Variants in NTNG1 observed in about 807,000 individuals in gnomAD.
The protein encoded by NTNG1 is netrin-G1.
Under a neutral mutation model 54.0 loss-of-function variants are expected in NTNG1, and 16 were observed. That is an observed-to-expected ratio of 0.30 (90% CI 0.20 to 0.45). NTNG1 has a LOEUF of 0.45. Among genes scored for constraint, NTNG1 ranks in the 20% least tolerant of loss-of-function variants. NTNG1 has a pLI of 1.00. For missense variants in NTNG1, 530 were observed against 678.7 expected (o/e 0.78, Z 2.43); for synonymous variants, 255 against 263.1 (o/e 0.97, Z 0.30).
chr1:107,346,573 T>TA (rs907956178), intron 3 of NTNG1, among the ~76,000 whole-genome samples: 3 of 152,080 alleles, frequency 2.0e-5, no homozygotes, highest in Admixed American at 1.3e-4. Flanking sequence ...TGGCAAGTTT[T>TA]AAAAAACTCC....
chr1:107,406,894 G>A (rs570960488), intron 4 of NTNG1, among the ~76,000 whole-genome samples: 10 of 152,124 alleles, frequency 6.6e-5, no homozygotes, highest in Non-Finnish European at 1.3e-4. Flanking sequence ...CAGAGAGCCT[G>A]GCTTCTGAGC....
chr1:107,385,815 A>G (rs149449432), intron 3 of NTNG1, among the ~76,000 whole-genome samples: 55 of 151,552 alleles, frequency 3.6e-4, no homozygotes, highest in Non-Finnish European at 6.5e-4. Flanking sequence ...TTTTGGATAA[A>G]TGCCATACTT....
intron 3 of NTNG1, among the ~76,000 whole-genome samples, chr1:107,391,921 T>A (rs930796175): frequency 2.6e-5 from 4 of 152,078 alleles, no homozygotes; most frequent in African/African-American, 9.7e-5. Flanking sequence ...CAAAGAGGAA[T>A]CTCAGGGCAT....
At chr1:107,270,476 G>A (rs2101687003) in intron 2 of NTNG1, among the ~76,000 whole-genome samples, 1 of 152,198 alleles carries the variant, frequency 6.6e-6, no homozygotes, top group East Asian at 1.9e-4. Flanking sequence ...GTTTGAAATG[G>A]GAATAATAAG....
At chr1:107,230,213 A>G (rs1660980185) in intron 2 of NTNG1, among the ~76,000 whole-genome samples, 1 of 152,196 alleles carries the variant, frequency 6.6e-6, no homozygotes, top group Non-Finnish European at 1.5e-5. Context: ...ATGAAAGCTA[A>G]AGAAATAGTG....
chr1:107,436,622 A>G, intron 6 of NTNG1, 43 bp from the exon 7 acceptor site: 2 of 1,598,850 alleles, frequency 1.3e-6, no homozygotes, highest in East Asian at 4.5e-5. Context: ...CCTGTAAGCC[A>G]TGCAGACTTG....
At chr1:107,222,739 C>A (rs1415951679) in intron 2 of NTNG1, among the ~76,000 whole-genome samples, 2 of 147,564 alleles carry the variant, frequency 1.4e-5, no homozygotes, top group Admixed American at 6.8e-5. Context: ...TAGGAGGAGA[C>A]AAGGTAGTGG....
At chr1:107,250,973 T>C (rs1012337861) in intron 2 of NTNG1, among the ~76,000 whole-genome samples, 4 of 152,254 alleles carry the variant, frequency 2.6e-5, no homozygotes, top group Non-Finnish European at 5.9e-5. Context: ...TTTTCATGCA[T>C]GGTTATTCTT....
At chr1:107,210,896 T>G (rs1487644919) in intron 2 of NTNG1, among the ~76,000 whole-genome samples, 2 of 152,164 alleles carry the variant, frequency 1.3e-5, no homozygotes, top group African/African-American at 4.8e-5. Flanking sequence ...AAGACGCTCC[T>G]GTACAGAATC....
At chr1:107,419,145 C>A (rs1001642280) in intron 5 of NTNG1, among the ~76,000 whole-genome samples, 6 of 151,694 alleles carry the variant, frequency 4.0e-5, no homozygotes, top group African/African-American at 1.5e-4. Flanking sequence ...TTCCCTTCCT[C>A]CTTTTTCCTG....
intron 3 of NTNG1, among the ~76,000 whole-genome samples, chr1:107,390,973 G>A (rs2819986): frequency 0.015 from 2,273 of 152,254 alleles, 56 homozygotes; most frequent in African/African-American, 0.049. Flanking sequence ...TGGTGGACCA[G>A]AGAAACATTC....
In NTNG1 at chr1:107,413,815, A is replaced by G. The variant is rs139910465; in HGVS notation, c.1087+6107A>G. 1.8e-3 allele frequency among the ~76,000 whole-genome samples: 269 copies of G among 152,308 alleles called. 2 individuals carry two copies. The highest frequency in any genetic ancestry group is 6.1e-3 in the African/African-American group (253 of 41,570). On this transcript the variant is annotated intron_variant, in intron 5 of 7. Coordinates refer to ENST00000370068, the MANE Select transcript of NTNG1 (RefSeq NM_001113226.3). ...ATGACAGAGCCAGAATTCCAGCTCAATGTCCAATTTCCAAACCAGGACTTT... is the reference window on the plus strand; with the variant it reads ...ATGACAGAGCCAGAATTCCAGCTCAGTGTCCAATTTCCAAACCAGGACTTT...
chr1:107,383,256 A>C (rs532976921), intron 3 of NTNG1, among the ~76,000 whole-genome samples: 1 of 152,328 alleles, frequency 6.6e-6, no homozygotes, highest in South Asian at 2.1e-4. Context: ...CAGATGGCTC[A>C]CAGCTCTCTA....
At chr1:107,158,222 C>G (rs533610418) in intron 2 of NTNG1, among the ~76,000 whole-genome samples, 98 of 152,074 alleles carry the variant, frequency 6.4e-4, no homozygotes, top group African/African-American at 2.3e-3. Context: ...TTTTTGTGTG[C>G]CATTTAAAAA....
intron 3 of NTNG1, among the ~76,000 whole-genome samples, chr1:107,376,417 C>CAA (rs59015235): frequency 0.67 from 99,555 of 147,858 alleles, 33,748 homozygotes; most frequent in East Asian, 0.8. Flanking sequence ...CAAAACAAAA[C>CAA]AAAAAAAAAA....
At chr1:107,202,732 C>G (rs1324100836) in intron 2 of NTNG1, among the ~76,000 whole-genome samples, 1 of 151,870 alleles carries the variant, frequency 6.6e-6, no homozygotes, top group Non-Finnish European at 1.5e-5. Flanking sequence ...TGCACAGATT[C>G]TTGTAACTAT....
intron 5 of NTNG1, chr1:107,408,009 T>C (rs1397995379): frequency 1.8e-6 from 1 of 570,004 alleles, no homozygotes; most frequent in Non-Finnish European, 3.3e-6. Flanking sequence ...AGGAAAAATA[T>C]AAGTAGTCCT....
intron 2 of NTNG1, among the ~76,000 whole-genome samples, chr1:107,252,070 TG>T (rs1013413651): frequency 1.3e-5 from 2 of 152,216 alleles, no homozygotes; most frequent in African/African-American, 4.8e-5. Context: ...ATTTGTAAAA[TG>T]AGGACAGTAG....
intron 2 of NTNG1, among the ~76,000 whole-genome samples, chr1:107,173,792 G>A (rs903832085): frequency 7.1e-6 from 1 of 140,416 alleles, no homozygotes; most frequent in Non-Finnish European, 1.5e-5. Context: ...ATGATTTCAT[G>A]AAGAAAATAC....
Sources: gnomAD v4.1 joint callset for allele counts (sites outside exome capture counted in the v4.1 genomes callset) on GRCh38, gnomAD v4.1.1 for gene constraint, MANE v1.5 for transcripts, NCBI Gene and HGNC (gene_info 2026-07-23, HGNC 2026-07-21) for gene names.